The following CTNNA2 variants were observed in gnomAD, a reference collection of about 807,000 sequenced individuals.
The protein encoded by CTNNA2 is catenin alpha-2.
CTNNA2 carries 42 observed loss-of-function variants against 101.0 expected under a neutral mutation model. That is an observed-to-expected ratio of 0.42 (90% CI 0.32 to 0.54). CTNNA2 has a LOEUF of 0.54. Among genes scored for constraint, CTNNA2 ranks in the 20% least tolerant of loss-of-function variants. The probability of loss-of-function intolerance (pLI) is 0.14; values close to 1 mark genes in which losing one functional copy is unlikely to be tolerated. For missense variants in CTNNA2, 871 were observed against 1,223.1 expected (o/e 0.71, Z 4.29); for synonymous variants, 450 against 456.4 (o/e 0.99, Z 0.18).
intron 1 of CTNNA2, among the ~76,000 whole-genome samples, chr2:79,586,091 C>A (rs866947855): frequency 3.9e-5 from 6 of 152,086 alleles, no homozygotes; most frequent in Non-Finnish European, 2.9e-5. Flanking sequence ...GGAAATGGAA[C>A]CCCTGAAGGG....
At chr2:79,581,778 ATTC>A (rs1267147269) in intron 1 of CTNNA2, among the ~76,000 whole-genome samples, 1 of 152,252 alleles carries the variant, frequency 6.6e-6, no homozygotes, top group Non-Finnish European at 1.5e-5. Flanking sequence ...TGACTAAATC[ATTC>A]TTCTGGCAAA....
chr2:79,636,269 CAAAAAA>C (rs57739991), intron 1 of CTNNA2, among the ~76,000 whole-genome samples: 18 of 67,252 alleles, frequency 2.7e-4, no homozygotes, highest in South Asian at 5.7e-4. Context: ...GACTCTGTCT[CAAAAAA>C]AAAAAAAAAA....
At chr2:79,436,181 C>T (rs986976270) in intron 4 of CTNNA2, among the ~76,000 whole-genome samples, 2 of 152,154 alleles carry the variant, frequency 1.3e-5, no homozygotes, top group African/African-American at 4.8e-5. Context: ...CTACTTTCTA[C>T]CTGCGATGAA....
intron 7 of CTNNA2, among the ~76,000 whole-genome samples, chr2:80,093,651 T>A (rs1379372654): frequency 7.9e-5 from 12 of 151,168 alleles, no homozygotes; most frequent in African/African-American, 2.9e-4. Flanking sequence ...TTTCTCCACA[T>A]CCTCTCCAGC....
intron 3 of CTNNA2, among the ~76,000 whole-genome samples, chr2:79,827,661 T>A (rs144038833): frequency 1.3e-5 from 2 of 152,290 alleles, no homozygotes; most frequent in African/African-American, 4.8e-5. Context: ...TAGAAGCAAC[T>A]CTGTAGATGC....
intron 7 of CTNNA2, among the ~76,000 whole-genome samples, chr2:80,169,101 C>T (rs11888909): frequency 0.01 from 1,561 of 152,310 alleles, 30 homozygotes; most frequent in African/African-American, 0.035. Context: ...GGTACCAAGG[C>T]CTTAAAACTG....
At chr2:80,078,057 C>T (rs968498520) in intron 7 of CTNNA2, among the ~76,000 whole-genome samples, 8 of 151,738 alleles carry the variant, frequency 5.3e-5, no homozygotes, top group Non-Finnish European at 1.2e-4. Context: ...TAAAGATATC[C>T]AGAAACATGT....
At chr2:79,349,353 A>G (rs1440157322) in intron 3 of CTNNA2, among the ~76,000 whole-genome samples, 1 of 152,222 alleles carries the variant, frequency 6.6e-6, no homozygotes, top group African/African-American at 2.4e-5. Context: ...GGTTTCAGAC[A>G]TCTGTGTTTA....
intron 2 of CTNNA2, among the ~76,000 whole-genome samples, chr2:79,276,449 T>C (rs1675214929): frequency 1.3e-5 from 2 of 152,084 alleles, no homozygotes; most frequent in African/African-American, 4.8e-5. Context: ...ATTACCTTCA[T>C]TGTAGATTAT....
intron 7 of CTNNA2, among the ~76,000 whole-genome samples, chr2:80,389,126 A>G (rs1445839684): frequency 2.0e-5 from 3 of 152,218 alleles, no homozygotes; most frequent in Non-Finnish European, 2.9e-5. Context: ...GGTGATCCAA[A>G]AATAGTTTCT....
At chr2:79,730,704 A>T (rs1420427773) in intron 2 of CTNNA2, among the ~76,000 whole-genome samples, 3 of 152,028 alleles carry the variant, frequency 2.0e-5, no homozygotes, top group Non-Finnish European at 4.4e-5. Context: ...AGTTACCATG[A>T]TTTGATAAAG....
At chr2:79,293,545 A>T (rs180793094) in intron 2 of CTNNA2, among the ~76,000 whole-genome samples, 50 of 152,342 alleles carry the variant, frequency 3.3e-4, no homozygotes, top group African/African-American at 1.2e-3. Flanking sequence ...GGAGTCTATA[A>T]AGCAATTTAA....
intron 4 of CTNNA2, among the ~76,000 whole-genome samples, chr2:79,399,326 G>A (rs969012047): frequency 2.6e-5 from 4 of 151,944 alleles, no homozygotes; most frequent in Non-Finnish European, 4.4e-5. Context: ...CTGTGCTCAT[G>A]GCCTATATCA....
intron 2 of CTNNA2, among the ~76,000 whole-genome samples, chr2:79,307,977 A>AT (rs368879515): frequency 2.6e-5 from 4 of 152,150 alleles, no homozygotes; most frequent in Admixed American, 6.5e-5. Context: ...GATGTTGAGC[A>AT]TTTTTTTGAT....
At chr2:80,644,421 TA>T (rs1332801573) in intron 18 of CTNNA2, among the ~76,000 whole-genome samples, 1 of 152,186 alleles carries the variant, frequency 6.6e-6, no homozygotes, top group Non-Finnish European at 1.5e-5. Context: ...CTATGTTAAA[TA>T]AATGTTCCTA....
intron 7 of CTNNA2, among the ~76,000 whole-genome samples, chr2:80,283,375 C>T (rs537629473): frequency 5.3e-5 from 8 of 152,098 alleles, no homozygotes; most frequent in East Asian, 3.9e-4. Context: ...TACACTGATT[C>T]GATCATTACA....
intron 2 of CTNNA2, among the ~76,000 whole-genome samples, chr2:79,290,362 G>A (rs758728375): frequency 6.6e-6 from 1 of 152,120 alleles, no homozygotes; most frequent in Non-Finnish European, 1.5e-5. Flanking sequence ...CGGGAGCGGG[G>A]CAGGGAAGTG....
At chr2:79,895,025 A>G (rs1684601110) in intron 6 of CTNNA2, among the ~76,000 whole-genome samples, 1 of 152,198 alleles carries the variant, frequency 6.6e-6, no homozygotes, top group Non-Finnish European at 1.5e-5. Context: ...TGATCATGCT[A>G]TTATGTTCCA....
chr2:80,134,539 C>A (rs995614909), intron 7 of CTNNA2, among the ~76,000 whole-genome samples: 9 of 152,162 alleles, frequency 5.9e-5, no homozygotes, highest in African/African-American at 2.2e-4. Flanking sequence ...CTTCTGAGGG[C>A]AGACAGAAGA....
Sources: gnomAD v4.1 joint callset for allele counts (sites outside exome capture counted in the v4.1 genomes callset) on GRCh38, gnomAD v4.1.1 for gene constraint, MANE v1.5 for transcripts, NCBI Gene and HGNC (gene_info 2026-07-23, HGNC 2026-07-21) for gene names.